The following IGFBP2 variants were observed in gnomAD, a reference collection of about 807,000 sequenced individuals.
IGFBP2 encodes the protein insulin like growth factor binding protein 2, also known as insulin-like growth factor-binding protein 2.
In IGFBP2, 12 loss-of-function variants were observed where a neutral mutation model predicts 26.2. The observed-to-expected ratio is 0.46, with a 90% CI of 0.29 to 0.74. The LOEUF (loss-of-function observed/expected upper bound fraction) is 0.74. Ranked by LOEUF, IGFBP2 falls within the 30% of genes least tolerant of loss-of-function variation. The probability of loss-of-function intolerance (pLI) is 0.09; values close to 1 mark genes in which losing one functional copy is unlikely to be tolerated. For missense variants in IGFBP2, 328 were observed against 441.2 expected (o/e 0.74, Z 2.30); for synonymous variants, 189 against 200.6 (o/e 0.94, Z 0.49).
At chr2:216,659,077 G>C (rs1219149244) in intron 1 of IGFBP2, among the ~76,000 whole-genome samples, 1 of 152,184 alleles carries the variant, frequency 6.6e-6, no homozygotes, top group Non-Finnish European at 1.5e-5. Flanking sequence ...GGCTTCTAAA[G>C]GAAGCTGCTG....
chr2:216,651,101 A>C (rs1697814544), intron 1 of IGFBP2, among the ~76,000 whole-genome samples: 1 of 152,156 alleles, frequency 6.6e-6, no homozygotes, highest in East Asian at 1.9e-4. Context: ...CCTTTTGAAA[A>C]AAAAAGTCAG....
At chr2:216,659,248 G>A (rs1029838698) in intron 1 of IGFBP2, among the ~76,000 whole-genome samples, 1 of 152,244 alleles carries the variant, frequency 6.6e-6, no homozygotes, top group South Asian at 2.1e-4. Context: ...TGGCATGGAA[G>A]AGGTGCCCCC....
chr2:216,651,972 G>C (rs766159312), intron 1 of IGFBP2, among the ~76,000 whole-genome samples: 79 of 152,014 alleles, frequency 5.2e-4, no homozygotes, highest in Non-Finnish European at 1.2e-4. Context: ...ATGTTGGCCA[G>C]GCTGGTCTTG....
chr2:216,650,854 A>G (rs988008931), intron 1 of IGFBP2, among the ~76,000 whole-genome samples: 3 of 152,162 alleles, frequency 2.0e-5, no homozygotes, highest in Non-Finnish European at 4.4e-5. Context: ...GAAGGATGGA[A>G]GGATATCAGG....
intron 1 of IGFBP2, among the ~76,000 whole-genome samples, chr2:216,641,040 C>G (rs1447292174): frequency 6.6e-6 from 1 of 152,152 alleles, no homozygotes; most frequent in African/African-American, 2.4e-5. Flanking sequence ...CATTGCAACC[C>G]TGTCTCTTAA....
intron 1 of IGFBP2, among the ~76,000 whole-genome samples, chr2:216,640,747 G>A (rs566717621): frequency 1.3e-5 from 2 of 152,226 alleles, no homozygotes; most frequent in East Asian, 1.9e-4. Context: ...GCTTTTGACC[G>A]TATCAACCAG....
In IGFBP2 at chr2:216,664,128, GC is replaced by G. The variant is rs756744108; in HGVS notation, c.*28del. 13 of 1,538,492 alleles carry G rather than the reference GC, an allele frequency of 8.4e-6. No individual in the cohort carries two copies. In the South Asian group the frequency reaches 1.5e-4, roughly 18 times the overall value. On this transcript the variant is annotated 3_prime_UTR_variant, in exon 4 of 4. Transcript: ENST00000233809. The surrounding 1 kb of genome is among the most constrained non-coding windows in gnomAD (Gnocchi z 4.6). The stretch of plus-strand genomic sequence containing the variant: ...AGACCGCAGCCAGCCGGTGCCTGGC[GC>G]CCCTGCCCCCCGCCCCTCTCCAAAC...
At chr2:216,653,496 G>A (rs1697864296) in intron 1 of IGFBP2, among the ~76,000 whole-genome samples, 1 of 152,150 alleles carries the variant, frequency 6.6e-6, no homozygotes. Context: ...AGTAAGGGTG[G>A]GCCAAAAGAC....
chr2:216,660,927 A>G, intron 2 of IGFBP2, 141 bp downstream of exon 2: 1 of 665,546 alleles, frequency 1.5e-6, no homozygotes, highest in Non-Finnish European at 2.6e-6. Flanking sequence ...ATAGTTGTGG[A>G]ACATAGTTAG....
chr2:216,644,681 G>C (rs999287677), intron 1 of IGFBP2, among the ~76,000 whole-genome samples: 1 of 152,178 alleles, frequency 6.6e-6, no homozygotes, highest in East Asian at 1.9e-4. Flanking sequence ...AAATGGCTTT[G>C]TTCTAGACAT....
At chr2:216,659,317 T>A (rs1197881822) in intron 1 of IGFBP2, among the ~76,000 whole-genome samples, 1 of 152,202 alleles carries the variant, frequency 6.6e-6, no homozygotes. Flanking sequence ...GAATTATTCA[T>A]TTGTGTTCTA....
intron 1 of IGFBP2, among the ~76,000 whole-genome samples, chr2:216,654,818 A>T (rs1212045508): frequency 6.6e-6 from 1 of 152,190 alleles, no homozygotes; most frequent in Non-Finnish European, 1.5e-5. Context: ...GGAATGAAAC[A>T]TACCCTTGAA....
At chr2:216,647,751 A>C (rs1320692938) in intron 1 of IGFBP2, among the ~76,000 whole-genome samples, 2 of 152,020 alleles carry the variant, frequency 1.3e-5, no homozygotes, top group African/African-American at 4.8e-5. Flanking sequence ...CGATTTGCTG[A>C]CCTCGTGATC....
At chr2:216,634,437 A>C (rs1559173173) in intron 1 of IGFBP2, among the ~76,000 whole-genome samples, 1 of 152,110 alleles carries the variant, frequency 6.6e-6, no homozygotes, top group Non-Finnish European at 1.5e-5. Context: ...AGGAGGAGGC[A>C]CCGGCGTCCC....
At chr2:216,635,713 G>T (rs778939864) in intron 1 of IGFBP2, among the ~76,000 whole-genome samples, 7 of 152,042 alleles carry the variant, frequency 4.6e-5, no homozygotes, top group East Asian at 3.9e-4. Flanking sequence ...GAACAGATGC[G>T]GCAGATTTTC....
chr2:216,639,431 C>T (rs1486903405), intron 1 of IGFBP2, among the ~76,000 whole-genome samples: 1 of 152,014 alleles, frequency 6.6e-6, no homozygotes, highest in East Asian at 1.9e-4. Context: ...CAGGATAGGA[C>T]AGGGGGCTGC....
intron 1 of IGFBP2, among the ~76,000 whole-genome samples, chr2:216,645,373 T>C (rs1204329942): frequency 6.6e-6 from 1 of 152,186 alleles, no homozygotes; most frequent in Non-Finnish European, 1.5e-5. Flanking sequence ...GCCCTGGGGC[T>C]AAAAGGTCTT....
At chr2:216,660,422 C>T in intron 1 of IGFBP2, 135 bp from the exon 2 acceptor site, 1 of 638,506 alleles carries the variant, frequency 1.6e-6, no homozygotes, top group Non-Finnish European at 2.7e-6. Flanking sequence ...CAGCACGGGC[C>T]CTGACAGGCC....
chr2:216,647,767 G>A (rs567115738), intron 1 of IGFBP2, among the ~76,000 whole-genome samples: 46 of 152,252 alleles, frequency 3.0e-4, no homozygotes, highest in Non-Finnish European at 3.5e-4. Flanking sequence ...TGATCTGCCC[G>A]CCTTGGCCTC....
Sources: allele counts gnomAD v4.1 joint callset (sites outside exome capture counted in the v4.1 genomes callset), GRCh38; gene constraint gnomAD v4.1.1; non-coding constraint Gnocchi (gnomAD v3.1); transcripts MANE v1.5; gene names NCBI Gene and HGNC (gene_info 2026-07-23, HGNC 2026-07-21).